The following MSI2 variants were observed in gnomAD, a reference collection of about 807,000 sequenced individuals.
MSI2 encodes the protein musashi RNA binding protein 2, also known as RNA-binding protein Musashi homolog 2.
Under a neutral mutation model 45.6 loss-of-function variants are expected in MSI2, and 17 were observed. The ratio of observed to expected loss-of-function variants is 0.37; its 90% confidence interval spans 0.26 to 0.56. The LOEUF is 0.56. MSI2 is among the 20% of genes least tolerant of loss of function. MSI2 has a pLI of 0.77. For missense variants in MSI2, 293 were observed against 444.2 expected, an observed-to-expected ratio of 0.66 and a Z score of 3.06; for synonymous variants, 156 against 158.2, an observed-to-expected ratio of 0.99 and a Z score of 0.11.
At chr17:57,331,937 A>C (rs1426647738) in intron 5 of MSI2, among the ~76,000 whole-genome samples, 1 of 152,184 alleles carries the variant, frequency 6.6e-6, no homozygotes, top group Non-Finnish European at 1.5e-5. Context: ...AATCGTACTC[A>C]AAAATATCAG....
chr17:57,473,170 G>T (rs560449394), intron 6 of MSI2, among the ~76,000 whole-genome samples: 4 of 152,248 alleles, frequency 2.6e-5, no homozygotes, highest in African/African-American at 9.6e-5. Flanking sequence ...GATTGCTGGC[G>T]TGAGCCACCG....
chr17:57,466,126 C>T (rs1248365147), intron 6 of MSI2, among the ~76,000 whole-genome samples: 3 of 152,214 alleles, frequency 2.0e-5, no homozygotes, highest in Admixed American at 2.0e-4. Context: ...CTTCAGGAAC[C>T]AGAGTCCCCC....
intron 6 of MSI2, among the ~76,000 whole-genome samples, chr17:57,445,560 G>T (rs958654402): frequency 1.2e-4 from 17 of 142,022 alleles, no homozygotes; most frequent in African/African-American, 3.6e-4. Context: ...GTGGGGGGGG[G>T]TGCATTTAAT....
At chr17:57,494,331 C>T (rs148936326) in intron 6 of MSI2, among the ~76,000 whole-genome samples, 66 of 152,312 alleles carry the variant, frequency 4.3e-4, no homozygotes, top group Non-Finnish European at 8.2e-4. Flanking sequence ...TCTGGACTCC[C>T]ATGCCCAACA....
Position 57,575,074 on chromosome 17 carries a change from C to T in MSI2, c.455-21794C>T, listed in dbSNP as rs1296854612. 7.9e-5 allele frequency among the ~76,000 whole-genome samples: 12 copies of T among 152,052 alleles called. 1 individual carries two copies. The highest frequency in any genetic ancestry group is 1.8e-4 in the Non-Finnish European group (12 of 68,026). ...CTCAATCTCCTGACCTCGTGATCCG[C>T]CCACCTTGGCCTCCCAAAGTGCTGG... On this transcript the variant is annotated intron_variant, in intron 7 of 13. Coordinates refer to ENST00000284073, the MANE Select transcript of MSI2 (RefSeq NM_138962.4).
intron 6 of MSI2, among the ~76,000 whole-genome samples, chr17:57,497,626 A>G (rs573778304): frequency 2.0e-5 from 3 of 152,328 alleles, no homozygotes; most frequent in Non-Finnish European, 4.4e-5. Context: ...TTTTTAAAGT[A>G]TGGTCTTCTA....
At chr17:57,355,439 A>G (rs904039002) in intron 5 of MSI2, among the ~76,000 whole-genome samples, 4 of 152,152 alleles carry the variant, frequency 2.6e-5, no homozygotes, top group African/African-American at 9.7e-5. Flanking sequence ...TGCTGAACAG[A>G]CACAACAGTG....
rs112966475 is a variant in MSI2, at chr17:57,598,687, G to T, written c.537+1737G>T. Among the ~76,000 whole-genome samples, 92 of 151,806 alleles carry T rather than the reference G, an allele frequency of 6.1e-4. 2 individuals are homozygous for T. The highest frequency in any genetic ancestry group is 2.1e-3 in the African/African-American group (88 of 41,372). On this transcript the variant is annotated intron_variant, in intron 8 of 13. Transcript: ENST00000284073. Reference sequence around the variant, plus strand: ...CTATTTTTTTTTTTTAATTGAGACAGAGTCTTGCTTTGTTGCCCTGGCTGG... The same window carrying T: ...CTATTTTTTTTTTTTAATTGAGACATAGTCTTGCTTTGTTGCCCTGGCTGG...
intron 6 of MSI2, among the ~76,000 whole-genome samples, chr17:57,488,586 G>A (rs528532251): frequency 6.6e-6 from 1 of 152,130 alleles, no homozygotes; most frequent in Admixed American, 6.5e-5. Context: ...ACTTTGGGAG[G>A]CCAAGGTGGG....
chr17:57,440,686 G>T (rs1344371521), intron 6 of MSI2: 1 of 152,374 alleles, frequency 6.6e-6, no homozygotes, highest in Non-Finnish European at 1.5e-5. Context: ...GCGTGGGTTT[G>T]TTCATTTATG....
chr17:57,448,114 C>G (rs1312448514), intron 6 of MSI2: 1 of 152,206 alleles, frequency 6.6e-6, no homozygotes, highest in African/African-American at 2.4e-5. Flanking sequence ...AGCTGCAGGG[C>G]TCTCTGGTGG....
At chr17:57,355,518 T>C (rs1481652632) in intron 5 of MSI2, among the ~76,000 whole-genome samples, 1 of 152,216 alleles carries the variant, frequency 6.6e-6, no homozygotes, top group Non-Finnish European at 1.5e-5. Flanking sequence ...CTCAGACCTT[T>C]CTGTTAGGGA....
At chr17:57,523,108 C>A (rs12602119) in intron 6 of MSI2, among the ~76,000 whole-genome samples, 11 of 150,610 alleles carry the variant, frequency 7.3e-5, no homozygotes, top group African/African-American at 2.7e-4. Flanking sequence ...AGTGCAATGG[C>A]GTAATCTCAG....
At chr17:57,521,229 A>C (rs1304242351) in intron 6 of MSI2, among the ~76,000 whole-genome samples, 2 of 152,190 alleles carry the variant, frequency 1.3e-5, no homozygotes, top group African/African-American at 4.8e-5. Flanking sequence ...GCAGGAAGGC[A>C]GCGGCTGGCA....
chr17:57,478,188 C>T (rs983076484), intron 6 of MSI2, among the ~76,000 whole-genome samples: 1 of 152,198 alleles, frequency 6.6e-6, no homozygotes, highest in Non-Finnish European at 1.5e-5. Flanking sequence ...AGCCAATAGA[C>T]AGTTCATCCA....
intron 10 of MSI2, among the ~76,000 whole-genome samples, chr17:57,646,919 C>T (rs1250387437): frequency 6.6e-6 from 1 of 152,140 alleles, no homozygotes; most frequent in Non-Finnish European, 1.5e-5. Context: ...CTCTCAGGCC[C>T]TCTGAGATTT....
chr17:57,342,881 TCTTA>T (rs753642005), intron 5 of MSI2, among the ~76,000 whole-genome samples: 3 of 152,222 alleles, frequency 2.0e-5, no homozygotes, highest in Non-Finnish European at 4.4e-5. Flanking sequence ...CCATTATAAG[TCTTA>T]CTTACATACA....
chr17:57,465,197 C>G (rs539932372), intron 6 of MSI2, among the ~76,000 whole-genome samples: 1 of 152,224 alleles, frequency 6.6e-6, no homozygotes, highest in East Asian at 1.9e-4. Context: ...TGCGGTGGCT[C>G]AGGCCTATAA....
At chr17:57,625,788 C>T (rs924955962) in intron 9 of MSI2, 1 of 152,364 alleles carries the variant, frequency 6.6e-6, no homozygotes, top group Non-Finnish European at 1.5e-5. Flanking sequence ...GGAGAATTGA[C>T]AGGATGGCTG....
Sources: allele counts gnomAD v4.1 joint callset (sites outside exome capture counted in the v4.1 genomes callset), GRCh38; gene constraint gnomAD v4.1.1; transcripts MANE v1.5; gene names NCBI Gene and HGNC (gene_info 2026-07-23, HGNC 2026-07-21).